Variants in PLD5 observed in about 807,000 individuals in gnomAD.
PLD5 encodes the protein inactive phospholipase D5.
Under a neutral mutation model 61.1 loss-of-function variants are expected in PLD5, and 36 were observed. The ratio of observed to expected loss-of-function variants is 0.59; its 90% confidence interval spans 0.45 to 0.78. The LOEUF is 0.78. PLD5 is among the 30% of genes least tolerant of loss of function. PLD5 has a pLI of 0.00. For missense variants in PLD5, 515 were observed against 644.4 expected, an observed-to-expected ratio of 0.80 and a Z score of 2.17; for synonymous variants, 243 against 242.8, an observed-to-expected ratio of 1.00 and a Z score of -0.01.
At chr1:242,444,154 A>T (rs1666399124) in intron 1 of PLD5, among the ~76,000 whole-genome samples, 1 of 152,212 alleles carries the variant, frequency 6.6e-6, no homozygotes, top group Non-Finnish European at 1.5e-5. Context: ...ACTCATCTTC[A>T]TTATATTGTT....
intron 2 of PLD5, among the ~76,000 whole-genome samples, chr1:242,311,206 A>C (rs887826457): frequency 6.6e-6 from 1 of 152,216 alleles, no homozygotes; most frequent in Non-Finnish European, 1.5e-5. Context: ...GACTAAAAAA[A>C]AGTTTTTTTG....
chr1:242,476,175 T>G (rs59808463), intron 1 of PLD5, among the ~76,000 whole-genome samples: 494 of 152,070 alleles, frequency 3.2e-3, no homozygotes, highest in African/African-American at 0.011. Flanking sequence ...ACCAACATGG[T>G]GAAACCCCGT....
At chr1:242,515,649 C>A (rs1285052015) in intron 1 of PLD5, among the ~76,000 whole-genome samples, 1 of 152,202 alleles carries the variant, frequency 6.6e-6, no homozygotes, top group Non-Finnish European at 1.5e-5. Context: ...CTTTTCAATG[C>A]TCAATGTATT....
chr1:242,294,222 T>G (rs1193401950), intron 2 of PLD5, among the ~76,000 whole-genome samples: 1 of 152,254 alleles, frequency 6.6e-6, no homozygotes, highest in Non-Finnish European at 1.5e-5. Flanking sequence ...CTTTTCTTGA[T>G]AGTTTAAGGT....
chr1:242,121,063 T>C (rs955794347), intron 6 of PLD5, among the ~76,000 whole-genome samples: 2 of 152,182 alleles, frequency 1.3e-5, no homozygotes, highest in African/African-American at 4.8e-5. Flanking sequence ...AATCAGCTTA[T>C]AAAAATATAC....
chr1:242,169,959 T>A (rs1374997095), intron 5 of PLD5, among the ~76,000 whole-genome samples: 1 of 152,122 alleles, frequency 6.6e-6, no homozygotes, highest in African/African-American at 2.4e-5. Context: ...AAAACCCTCA[T>A]CTCTCTGGGA....
chr1:242,364,821 T>A (rs1232319303), intron 1 of PLD5, among the ~76,000 whole-genome samples: 7 of 151,616 alleles, frequency 4.6e-5, no homozygotes, highest in Admixed American at 4.6e-4. Flanking sequence ...CAAATTAAAC[T>A]CAAGTAGACA....
At chr1:242,272,193 A>C (rs1186042156) in intron 3 of PLD5, among the ~76,000 whole-genome samples, 2 of 152,136 alleles carry the variant, frequency 1.3e-5, no homozygotes, top group African/African-American at 4.8e-5. Context: ...TTATGAAATG[A>C]CACAATTTAT....
chr1:242,194,626 C>CTATG lies in PLD5; in HGVS notation c.735+25361_735+25362insCATA, dbSNP rs1304649460. 5.6e-3 allele frequency among the ~76,000 whole-genome samples: 467 copies of CTATG among 83,676 alleles called. 3 individuals are homozygous for CTATG. The highest frequency in any genetic ancestry group is 8.8e-3 in the East Asian group (19 of 2,162). 54.9% of individuals were successfully genotyped at this position (83,676 alleles called of 152,430 possible). A position where few individuals can be genotyped will look rare whatever the true frequency, so the allele number is the denominator to read the frequency against. ...TCTATGTATCTATCTATGTATCTAT[C>CTATG]TATCTATCTATCTATCTATCTATCT... On this transcript the variant is annotated intron_variant, in intron 5 of 9. Transcript: ENST00000536534.
intron 1 of PLD5, among the ~76,000 whole-genome samples, chr1:242,433,968 A>G (rs758804955): frequency 2.0e-5 from 3 of 152,258 alleles, no homozygotes; most frequent in Non-Finnish European, 4.4e-5. Context: ...AGGAAGGCAG[A>G]TTACATACGC....
intron 2 of PLD5, among the ~76,000 whole-genome samples, chr1:242,307,197 AT>A (rs1336427635): frequency 6.6e-6 from 1 of 152,196 alleles, no homozygotes; most frequent in Non-Finnish European, 1.5e-5. Flanking sequence ...TATATAACTG[AT>A]GGGTACCTGT....
At chr1:242,519,692 C>T (rs549585123) in intron 1 of PLD5, among the ~76,000 whole-genome samples, 93 of 152,258 alleles carry the variant, frequency 6.1e-4, no homozygotes, top group African/African-American at 2.2e-3. Flanking sequence ...AAGTCAGCCT[C>T]AGAATGGCCA....
chr1:242,210,553 C>T (rs1402042559), intron 5 of PLD5: 3 of 152,578 alleles, frequency 2.0e-5, no homozygotes, highest in Non-Finnish European at 2.9e-5. Flanking sequence ...GATGACATTA[C>T]ACCACAAAAG....
At chr1:242,193,304 T>C (rs889772970) in intron 5 of PLD5, among the ~76,000 whole-genome samples, 3 of 152,206 alleles carry the variant, frequency 2.0e-5, no homozygotes, top group Non-Finnish European at 4.4e-5. Flanking sequence ...TGCTTCTCTT[T>C]TCTGGAAATT....
chr1:242,136,475 T>G (rs1663741009), intron 5 of PLD5, among the ~76,000 whole-genome samples: 1 of 152,204 alleles, frequency 6.6e-6, no homozygotes, highest in Admixed American at 6.5e-5. Flanking sequence ...CTGCTCAAGG[T>G]GTTCCAACGT....
intron 3 of PLD5, among the ~76,000 whole-genome samples, chr1:242,280,578 A>G (rs1296249391): frequency 2.0e-5 from 3 of 152,198 alleles, no homozygotes; most frequent in Non-Finnish European, 4.4e-5. Flanking sequence ...TTTATGTTGC[A>G]TCAGAATATC....
intron 1 of PLD5, among the ~76,000 whole-genome samples, chr1:242,412,408 G>T (rs1199362224): frequency 6.6e-6 from 1 of 152,194 alleles, no homozygotes; most frequent in Non-Finnish European, 1.5e-5. Flanking sequence ...ATCATATTCA[G>T]ATTTTCTTGG....
intron 1 of PLD5, among the ~76,000 whole-genome samples, chr1:242,483,118 A>C (rs1667840236): frequency 6.6e-6 from 1 of 152,224 alleles, no homozygotes; most frequent in Non-Finnish European, 1.5e-5. Flanking sequence ...CAAATTGTAA[A>C]GACCATCAAG....
rs1319205756 is a variant in PLD5, at chr1:242,394,352, ATATG to A, written c.190-46114_190-46111del. The stretch of plus-strand genomic sequence containing the variant: ...TATATATGTGTGTATATATGAGTAT[ATATG>A]TGTGTATATATGAGTATATATGTGT... On this transcript the variant is annotated intron_variant, in intron 1 of 9. Transcript: ENST00000536534. 4.2e-5 allele frequency among the ~76,000 whole-genome samples: 4 copies of A among 95,040 alleles called. 1 individual carries two copies. Among genetic ancestry groups the A allele is most frequent in the Non-Finnish European group, 8.2e-5 (4 of 48,532 alleles). The allele number at this position is 95,040 out of a possible 152,430, so 62.3% of individuals were successfully genotyped here.
Sources: gnomAD v4.1 joint callset for allele counts (sites outside exome capture counted in the v4.1 genomes callset) on GRCh38, gnomAD v4.1.1 for gene constraint, MANE v1.5 for transcripts, NCBI Gene and HGNC (gene_info 2026-07-23, HGNC 2026-07-21) for gene names.